The following MSRA variants were observed in gnomAD, a reference collection of about 807,000 sequenced individuals.
MSRA encodes the protein methionine sulfoxide reductase A.
A neutral mutation model predicts 31.3 loss-of-function variants in MSRA; 54 were observed. The ratio of observed to expected loss-of-function variants is 1.73; its 90% confidence interval spans 1.39 to 2.17. MSRA has a LOEUF of 2.17. Among genes scored for constraint, MSRA ranks in the 30% most tolerant of loss-of-function variants. The pLI, the probability that MSRA is intolerant of heterozygous loss-of-function variation, is 0.00. For missense variants in MSRA, 507 were observed against 300.9 expected (o/e 1.69, Z -5.07); for synonymous variants, 169 against 116.5 (o/e 1.45, Z -2.90).
intron 1 of MSRA, among the ~76,000 whole-genome samples, chr8:10,122,564 G>A (rs990297493): frequency 4.0e-5 from 6 of 151,816 alleles, no homozygotes; most frequent in Admixed American, 6.6e-5. Flanking sequence ...TCAGGGATAC[G>A]TGTGCATGTT....
intron 1 of MSRA, among the ~76,000 whole-genome samples, chr8:10,138,694 C>G (rs1489396932): frequency 1.3e-5 from 2 of 152,214 alleles, no homozygotes; most frequent in African/African-American, 4.8e-5. Flanking sequence ...CCTGAATCAT[C>G]CTTGGAAAAA....
At chr8:10,279,493 C>G (rs2952257) in intron 3 of MSRA, among the ~76,000 whole-genome samples, 2 of 151,926 alleles carry the variant, frequency 1.3e-5, no homozygotes, top group Admixed American at 1.3e-4. Flanking sequence ...TGAGTTTGAT[C>G]GTCATCCTCC....
chr8:10,138,003 G>C (rs1354174739), intron 1 of MSRA, among the ~76,000 whole-genome samples: 1 of 152,196 alleles, frequency 6.6e-6, no homozygotes, highest in Non-Finnish European at 1.5e-5. Flanking sequence ...CACAGGTAAT[G>C]CATAAGGCAG....
intron 5 of MSRA, among the ~76,000 whole-genome samples, chr8:10,407,613 A>G (rs1012609609): frequency 6.6e-6 from 1 of 151,976 alleles, no homozygotes; most frequent in African/African-American, 2.4e-5. Context: ...AAGGAAGGAG[A>G]ATGTCTCCGG....
intron 3 of MSRA, among the ~76,000 whole-genome samples, chr8:10,286,247 T>C (rs1799930880): frequency 1.3e-5 from 2 of 152,280 alleles, no homozygotes; most frequent in Non-Finnish European, 2.9e-5. Context: ...TTTGACTGTA[T>C]CCCCACCCAG....
intron 1 of MSRA, chr8:10,096,222 T>G (rs1212467267): frequency 6.5e-6 from 8 of 1,224,914 alleles, no homozygotes; most frequent in Middle Eastern, 6.1e-4. Flanking sequence ...TGCTTCATGC[T>G]GTCCTAAACT....
chr8:10,354,624 T>C (rs1160241948), intron 5 of MSRA, among the ~76,000 whole-genome samples: 1 of 151,934 alleles, frequency 6.6e-6, no homozygotes, highest in Non-Finnish European at 1.5e-5. Flanking sequence ...AAAATCAGAT[T>C]AGAATGATTA....
At chr8:10,094,568 C>T (rs1035184526) in intron 1 of MSRA, among the ~76,000 whole-genome samples, 1 of 152,136 alleles carries the variant, frequency 6.6e-6, no homozygotes, top group African/African-American at 2.4e-5. Context: ...AATTTGAGAC[C>T]TTGAGTTATC....
intron 5 of MSRA, among the ~76,000 whole-genome samples, chr8:10,338,025 A>G (rs963744397): frequency 1.3e-5 from 2 of 152,184 alleles, no homozygotes; most frequent in Non-Finnish European, 2.9e-5. Flanking sequence ...CTAAGGGGTG[A>G]TCAAAGAGCA....
At chr8:10,397,831 C>A (rs1406177985) in intron 5 of MSRA, among the ~76,000 whole-genome samples, 3 of 152,090 alleles carry the variant, frequency 2.0e-5, no homozygotes, top group Non-Finnish European at 4.4e-5. Context: ...GTCTTTAGAA[C>A]TTTTTATTCC....
intron 5 of MSRA, among the ~76,000 whole-genome samples, chr8:10,387,658 G>C (rs546317891): frequency 1.7e-4 from 26 of 152,316 alleles, no homozygotes; most frequent in Admixed American, 1.4e-3. Context: ...TCATCATGCA[G>C]ATAAAGTCTC....
At chr8:10,164,211 C>T (rs761793481) in intron 1 of MSRA, among the ~76,000 whole-genome samples, 4 of 152,212 alleles carry the variant, frequency 2.6e-5, no homozygotes, top group South Asian at 2.1e-4. Flanking sequence ...CAGTCATGAA[C>T]GATTGCCATT....
intron 1 of MSRA, among the ~76,000 whole-genome samples, chr8:10,150,212 C>G (rs181073591): frequency 5.7e-4 from 86 of 152,126 alleles, no homozygotes; most frequent in African/African-American, 2.0e-3. Context: ...CCTATATTCT[C>G]GGCTCTTTTC....
chr8:10,364,400 T>C (rs1805039011), intron 5 of MSRA, among the ~76,000 whole-genome samples: 1 of 152,198 alleles, frequency 6.6e-6, no homozygotes, highest in Non-Finnish European at 1.5e-5. Flanking sequence ...CTCGAAATCA[T>C]CCTTGGCGAA....
chr8:10,064,332 T>A (rs933628484), intron 1 of MSRA, among the ~76,000 whole-genome samples: 1 of 152,164 alleles, frequency 6.6e-6, no homozygotes, highest in Admixed American at 6.5e-5. Context: ...CGGGCTCTTA[T>A]GAAAGGGGAC....
chr8:10,419,677 C>T (rs1161805765), intron 5 of MSRA, among the ~76,000 whole-genome samples: 2 of 152,200 alleles, frequency 1.3e-5, no homozygotes, highest in African/African-American at 4.8e-5. Context: ...TGTCTCCTGT[C>T]ATCTCCTAGA....
intron 1 of MSRA, among the ~76,000 whole-genome samples, chr8:10,110,290 A>G (rs747865856): frequency 1.3e-5 from 2 of 152,008 alleles, no homozygotes; most frequent in Non-Finnish European, 2.9e-5. Flanking sequence ...TGGTGGTTTT[A>G]TTTTGCCCCA....
At chr8:10,083,988 A>G (rs750666117) in intron 1 of MSRA, among the ~76,000 whole-genome samples, 17 of 152,266 alleles carry the variant, frequency 1.1e-4, no homozygotes, top group Non-Finnish European at 2.4e-4. Context: ...AAATCCATTT[A>G]CAAATAAAAT....
chr8:10,428,183 C>G lies in MSRA; in HGVS notation c.579C>G (p.Thr193=), dbSNP rs757139160. 1 of 1,614,044 alleles carries G rather than the reference C, an allele frequency of 6.2e-7. No homozygotes were observed. The highest frequency in any genetic ancestry group is 2.2e-5 in the East Asian group (1 of 44,876). The change falls in exon 6 of 6, where the codon ACC becomes ACG. Residue 193 remains threonine, a synonymous_variant. Transcript: ENST00000317173. ...LSEHGFGPIT[T]DIREGQTFYY... ...AGCACGGCTTCGGCCCCATCACTAC[C>G]GACATCCGGGAGGGACAGACTTTCT...
Sources: allele counts gnomAD v4.1 joint callset (sites outside exome capture counted in the v4.1 genomes callset), GRCh38; gene constraint gnomAD v4.1.1; transcripts MANE v1.5; gene names NCBI Gene and HGNC (gene_info 2026-07-23, HGNC 2026-07-21).